Variants in TMEM67 observed in about 807,000 individuals in gnomAD.
The protein encoded by TMEM67 is meckelin.
TMEM67 carries 124 observed loss-of-function variants against 136.6 expected under a neutral mutation model. The ratio of observed to expected loss-of-function variants is 0.91; its 90% CI spans 0.78 to 1.05. TMEM67 has a LOEUF of 1.05. TMEM67 is among the 50% of genes least tolerant of loss of function. TMEM67 has a pLI of 0.00. For synonymous variants in TMEM67, 364 were observed against 390.5 expected (o/e 0.93, Z 0.80); for missense variants, 1,107 against 1,178.4 (o/e 0.94, Z 0.89).
At chr8:93,804,717 T>C in intron 22 of TMEM67, 45 bp from the exon 23 acceptor site, 1 of 1,066,112 alleles carries the variant, frequency 9.4e-7, no homozygotes, top group Non-Finnish European at 1.5e-6. Context: ...TTTTATTGTT[T>C]TGCAGATGAG....
intron 14 of TMEM67, 106 bp from the exon 15 acceptor site, chr8:93,791,157 C>A: frequency 1.4e-6 from 1 of 734,210 alleles, no homozygotes; most frequent in Non-Finnish European, 2.4e-6. Flanking sequence ...TAGTTAAAAA[C>A]TATAGTGTTT....
chr8:93,789,655 T>C (rs181858109), intron 14 of TMEM67, among the ~76,000 whole-genome samples: 1 of 83,364 alleles, frequency 1.2e-5, no homozygotes. Context: ...CAAAAAAATA[T>C]ATATATATAT....
intron 26 of TMEM67, among the ~76,000 whole-genome samples, chr8:93,814,360 T>C (rs955898903): frequency 6.6e-6 from 1 of 151,418 alleles, no homozygotes; most frequent in Non-Finnish European, 1.5e-5. Context: ...AGGATAGTCT[T>C]GATCGCCTGA....
chr8:93,805,487 G>A (rs1420040977), intron 23 of TMEM67, among the ~76,000 whole-genome samples: 1 of 151,918 alleles, frequency 6.6e-6, no homozygotes, highest in Non-Finnish European at 1.5e-5. Context: ...GGGAGGCTGA[G>A]GCAGAATGGC....
At chr8:93,822,095 A>G (rs1373123046), downstream of TMEM67, among the ~76,000 whole-genome samples, 1 of 152,228 alleles carries the variant, frequency 6.6e-6, no homozygotes, top group African/African-American at 2.4e-5. Flanking sequence ...AAAAATTGCA[A>G]ACAGATTAGA....
intron 11 of TMEM67, among the ~76,000 whole-genome samples, chr8:93,783,103 A>C (rs983469839): frequency 6.6e-6 from 1 of 152,010 alleles, no homozygotes; most frequent in African/African-American, 2.4e-5. Context: ...CTCGTGCCTC[A>C]ACCACCTGAG....
intron 16 of TMEM67, among the ~76,000 whole-genome samples, chr8:93,794,250 C>A (rs1257893238): frequency 6.6e-6 from 1 of 152,090 alleles, no homozygotes; most frequent in Admixed American, 6.6e-5. Flanking sequence ...ATGATACGTG[C>A]TTTTGGGATC....
intron 6 of TMEM67, among the ~76,000 whole-genome samples, chr8:93,767,009 A>C (rs1813109346): frequency 6.6e-6 from 1 of 152,064 alleles, no homozygotes; most frequent in South Asian, 2.1e-4. Context: ...ATTTAAGTTG[A>C]AATAATTTTG....
intron 6 of TMEM67, among the ~76,000 whole-genome samples, chr8:93,766,643 C>T (rs1477323291): frequency 1.3e-5 from 2 of 151,868 alleles, no homozygotes; most frequent in Admixed American, 1.3e-4. Context: ...TTGGGGTGGA[C>T]AGGGTGTGAT....
intron 3 of TMEM67, among the ~76,000 whole-genome samples, chr8:93,763,613 T>C (rs1056617569): frequency 3.3e-5 from 5 of 152,220 alleles, no homozygotes; most frequent in African/African-American, 1.2e-4. Context: ...TATGTGAGAA[T>C]AGGGAAGGCA....
Position 93,817,683 on chromosome 8 carries a change from T to C in TMEM67, c.*1231T>C, listed in dbSNP as rs1249172714. On this transcript the variant is annotated 3_prime_UTR_variant, in exon 28 of 28. Transcript: ENST00000453321. ...ACATTTGGTATTTCTGTTTTCTGTTTCATTAATGTATATCTGATGGAGTAC... is the reference window on the plus strand; with the variant it reads ...ACATTTGGTATTTCTGTTTTCTGTTCCATTAATGTATATCTGATGGAGTAC... 3 of 152,264 alleles carry C rather than the reference T, an allele frequency of 2.0e-5. No homozygotes were observed. Among genetic ancestry groups the C allele is most frequent in the Admixed American group, 2.0e-4 (3 of 15,288 alleles). The allele number at this position is 152,264 out of a possible 1,614,324, so 9.4% of individuals were successfully genotyped here. A position where few individuals can be genotyped will look rare whatever the true frequency, so the allele number is the denominator to read the frequency against.
chr8:93,793,219 G>A lies in TMEM67; in HGVS notation c.1597G>A (p.Gly533Arg), dbSNP rs753828109. The A allele has an allele frequency of 6.2e-7, 1 of 1,614,054 alleles. No homozygotes were observed. Among genetic ancestry groups the A allele is most frequent in the Non-Finnish European group, 8.5e-7 (1 of 1,179,976 alleles). The change falls in exon 16 of 28, where the codon GGG becomes AGG. Residue 533 changes from glycine to arginine, a missense_variant. By Grantham distance (125) the Gly-to-Arg change is moderately radical (BLOSUM62 -2). Around this residue, in one of 3 missense-constraint regions of TMEM67, gnomAD observed 925 missense variants for 1,002.4 expected, o/e 0.92. Transcript: ENST00000453321. Reference sequence around the variant, plus strand: ...TTAGATTGCTTTGGGTGTATTGGGTGGGCTAGCTGTTTTAGCATCTCTTTT... The same window carrying A: ...TTAGATTGCTTTGGGTGTATTGGGTAGGCTAGCTGTTTTAGCATCTCTTTT... The part of the protein sequence containing the change: ...QTDIALGVLG[G>R]LAVLASLLKT...
At chr8:93,830,216 A>G in the TMEM67 span, among the ~76,000 whole-genome samples, 1 of 152,176 alleles carries the variant, frequency 6.6e-6, no homozygotes, top group African/African-American at 2.4e-5. Context: ...GGAGCTTCCA[A>G]ATGGCTGAGC....
the TMEM67 span, among the ~76,000 whole-genome samples, chr8:93,828,180 C>T: frequency 1.3e-5 from 2 of 152,110 alleles, no homozygotes; most frequent in Non-Finnish European, 2.9e-5. Flanking sequence ...ACCTCCAAAC[C>T]ACCGCTCCCC....
Position 93,795,437 on chromosome 8 carries a change from C to T in TMEM67, c.1703C>T (p.Ala568Val). The T allele has an allele frequency of 6.2e-7, 1 of 1,613,864 alleles. No individual in the cohort carries two copies. The highest frequency in any genetic ancestry group is 8.5e-7 in the Non-Finnish European group (1 of 1,179,926). Reference sequence around the variant, plus strand: ...GTTGTGAAATTCTTGGTGTACTATGCTGGTGATCTGGCCAATGTTTTCTTT... The same window carrying T: ...GTTGTGAAATTCTTGGTGTACTATGTTGGTGATCTGGCCAATGTTTTCTTT... ...QTVVKFLVYY[A>V]GDLANVFFII... Residue 568 changes from alanine (A) to valine (V), a missense_variant, in exon 17 of 28, where the codon GCT (alanine) becomes GTT (valine). Physicochemically the swap from Ala to Val is moderately conservative, Grantham distance 64. Around this residue, in one of 3 missense-constraint regions of TMEM67, gnomAD observed 925 missense variants for 1,002.4 expected, o/e 0.92. Coordinates refer to ENST00000453321, the MANE Select transcript of TMEM67 (RefSeq NM_153704.6).
At chr8:93,831,672 T>TGTG in the TMEM67 span, among the ~76,000 whole-genome samples, 1 of 151,190 alleles carries the variant, frequency 6.6e-6, no homozygotes, top group South Asian at 2.1e-4. Flanking sequence ...ATGCATGTGC[T>TGTG]TGTGTGTGTG....
chr8:93,755,961 C>G, intron 2 of TMEM67, 95 bp downstream of exon 2: 1 of 740,020 alleles, frequency 1.4e-6, no homozygotes, highest in African/African-American at 1.8e-5. Flanking sequence ...TAATGTTTCC[C>G]CACAGACTTT....
chr8:93,779,464 C>G (rs1217208177), intron 7 of TMEM67, among the ~76,000 whole-genome samples: 1 of 152,144 alleles, frequency 6.6e-6, no homozygotes, highest in Non-Finnish European at 1.5e-5. Flanking sequence ...TTCAGCTTTT[C>G]TGCTCTGGTT....
chr8:93,826,123 CTTTTTT>C, the TMEM67 span, among the ~76,000 whole-genome samples: 908 of 52,226 alleles, frequency 0.017, 2 homozygotes, highest in African/African-American at 0.061. Context: ...TTAATCATGT[CTTTTTT>C]TTTTTTTTTT....
Sources: gnomAD v4.1 joint callset for allele counts (sites outside exome capture counted in the v4.1 genomes callset) on GRCh38, gnomAD v4.1.1 for gene constraint, gnomAD v4.1.1 regional missense constraint, MANE v1.5 for transcripts, NCBI Gene and HGNC (gene_info 2026-07-23, HGNC 2026-07-21) for gene names.